USP25: variants seen among roughly 807,000 people sequenced by gnomAD.
The protein encoded by USP25 is ubiquitin specific peptidase 25.
Under a neutral mutation model 158.5 loss-of-function variants are expected in USP25, and 85 were observed. The observed-to-expected ratio is 0.54, with a 90% CI of 0.45 to 0.64. The LOEUF is 0.64. Ranked by LOEUF, USP25 falls within the 30% of genes least tolerant of loss-of-function variation. The pLI, the probability that USP25 is intolerant of heterozygous loss-of-function variation, is 0.00. For synonymous variants in USP25, 464 were observed against 460.4 expected, an observed-to-expected ratio of 1.01 and a Z score of -0.10; for missense variants, 1,242 against 1,327.3, an observed-to-expected ratio of 0.94 and a Z score of 1.00.
chr21:15,853,890 G>A (rs2039010528), intron 20 of USP25, among the ~76,000 whole-genome samples: 1 of 152,024 alleles, frequency 6.6e-6, no homozygotes, highest in Non-Finnish European at 1.5e-5. Context: ...CCTTCTTGCG[G>A]GGTAGATCTT....
chr21:15,841,833 C>T (rs2038348182), intron 17 of USP25, among the ~76,000 whole-genome samples: 1 of 151,992 alleles, frequency 6.6e-6, no homozygotes, highest in Non-Finnish European at 1.5e-5. Context: ...GTTCATTGTA[C>T]ATTGTTGGAT....
intron 10 of USP25, among the ~76,000 whole-genome samples, chr21:15,819,908 G>A (rs1337741625): frequency 1.3e-5 from 2 of 151,902 alleles, no homozygotes; most frequent in Admixed American, 6.6e-5. Flanking sequence ...CTGTTAAGAG[G>A]AAGAGATGTA....
intron 1 of USP25, among the ~76,000 whole-genome samples, chr21:15,738,907 A>G (rs748401512): frequency 2.0e-5 from 3 of 152,094 alleles, no homozygotes; most frequent in Non-Finnish European, 2.9e-5. Flanking sequence ...AGATCTAATT[A>G]CCGGTGCATG....
chr21:15,860,191 T>A (rs1475125730), intron 20 of USP25, among the ~76,000 whole-genome samples: 1 of 151,982 alleles, frequency 6.6e-6, no homozygotes, highest in African/African-American at 2.4e-5. Flanking sequence ...CTCACACTGT[T>A]TCCCAGGCTG....
intron 16 of USP25, among the ~76,000 whole-genome samples, chr21:15,833,092 A>T (rs2146398584): frequency 6.8e-6 from 1 of 147,284 alleles, no homozygotes. Context: ...CTCTTAAGAT[A>T]AAAAAAAATC....
chr21:15,782,969 TTTGAG>T (rs1275115848), intron 4 of USP25, among the ~76,000 whole-genome samples: 1 of 152,138 alleles, frequency 6.6e-6, no homozygotes, highest in African/African-American at 2.4e-5. Flanking sequence ...TAAAGAAACT[TTTGAG>T]TTGTAAGAGA....
chr21:15,766,757 A>G lies in USP25; in HGVS notation c.268+616A>G, dbSNP rs1309299026. Among the ~76,000 whole-genome samples the G allele has an allele frequency of 6.6e-6, 1 of 152,102 alleles. No individual in the cohort carries two copies. Among genetic ancestry groups the G allele is most frequent in the Non-Finnish European group, 1.5e-5 (1 of 67,962 alleles). Reference sequence around the variant, plus strand: ...ACTTATGTAGCGCACAGTTTTTCAAACTATGTTCAGTTACCTTCATATCTC... The same window carrying G: ...ACTTATGTAGCGCACAGTTTTTCAAGCTATGTTCAGTTACCTTCATATCTC... On this transcript the variant is annotated intron_variant, in intron 3 of 25. Transcript: ENST00000400183. This position sits in a 1 kb window ranked among gnomAD's most constrained non-coding sequence, Gnocchi z 4.0.
At position 15,737,087 on chromosome 21, in the gene USP25, C is replaced by CT. The variant is rs1268852228; in HGVS notation, c.45+6653dup. ...TGTTCTCAGGAATTTTTCTTCCACT[C>CT]TTTTCCTCATCTTCATTTAAAACTA... On this transcript the variant is annotated intron_variant, in intron 1 of 25. Transcript: ENST00000400183. 9.9e-5 allele frequency among the ~76,000 whole-genome samples: 15 copies of CT among 152,144 alleles called. No individual in the cohort carries two copies. In the East Asian group the frequency reaches 2.9e-3, roughly 29 times the overall value.
intron 5 of USP25, among the ~76,000 whole-genome samples, chr21:15,797,812 A>G (rs1334915367): frequency 1.3e-5 from 2 of 151,206 alleles, no homozygotes; most frequent in East Asian, 3.9e-4. Flanking sequence ...GTGGCTGAAA[A>G]TATTACAGTA....
Position 15,878,397 on chromosome 21 carries a change from A to G in USP25, c.3300A>G (p.Ser1100=), listed in dbSNP as rs747871062. Reference sequence around the variant, plus strand: ...TCCATGAGCCACCGAAGTTACCTTCATATTCCACGCATGAACTCTGTGAGC... The same window carrying G: ...TCCATGAGCCACCGAAGTTACCTTCGTATTCCACGCATGAACTCTGTGAGC... ...KSFHEPPKLP[S]YSTHELCERF... Residue 1100 remains serine (S), a synonymous_variant, in exon 26 of 26, where the codon TCA becomes TCG. Transcript: ENST00000400183. The G allele has an allele frequency of 8.1e-6, 13 of 1,614,010 alleles. No individual in the cohort carries two copies. Among genetic ancestry groups the G allele is most frequent in the African/African-American group, 1.3e-5 (1 of 74,934 alleles).
intron 1 of USP25, among the ~76,000 whole-genome samples, chr21:15,750,216 T>TATG (rs1568757063): frequency 1.6e-3 from 14 of 8,612 alleles, no homozygotes; most frequent in Middle Eastern, 0.1. Context: ...GTGTGTATGT[T>TATG]TTTTTTTTTT....
At chr21:15,780,600 A>G (rs1480164254) in intron 4 of USP25, among the ~76,000 whole-genome samples, 2 of 152,350 alleles carry the variant, frequency 1.3e-5, no homozygotes, top group African/African-American at 4.8e-5. Context: ...TTCAAGAAGT[A>G]GTAGACTACA....
chr21:15,738,259 T>C (rs1239688958), intron 1 of USP25, among the ~76,000 whole-genome samples: 1 of 152,236 alleles, frequency 6.6e-6, no homozygotes, highest in East Asian at 1.9e-4. Context: ...TCTTTGCCTT[T>C]GTTCCTTTTT....
chr21:15,863,495 C>G (rs568438823), intron 20 of USP25, among the ~76,000 whole-genome samples: 124 of 152,228 alleles, frequency 8.1e-4, no homozygotes, highest in Non-Finnish European at 1.4e-3. Context: ...CATTTAAGAA[C>G]AATTTTCTTT....
intron 20 of USP25, among the ~76,000 whole-genome samples, chr21:15,857,408 C>G (rs929931373): frequency 6.6e-6 from 1 of 151,952 alleles, no homozygotes; most frequent in African/African-American, 2.4e-5. Context: ...ATCAAATTGC[C>G]TACATGTAGT....
intron 1 of USP25, among the ~76,000 whole-genome samples, chr21:15,757,454 A>G (rs2033452186): frequency 6.6e-6 from 1 of 152,226 alleles, no homozygotes; most frequent in Non-Finnish European, 1.5e-5. Context: ...ATAGTAAAAG[A>G]TAAAACAGCA....
At chr21:15,735,732 TTAGA>T (rs1014798969) in intron 1 of USP25, among the ~76,000 whole-genome samples, 13 of 152,268 alleles carry the variant, frequency 8.5e-5, no homozygotes, top group African/African-American at 2.6e-4. Context: ...ATTTGAAAAA[TTAGA>T]TAGCGTTCAA....
rs1420295541 is a variant in USP25, at chr21:15,875,592, A to G, written c.3009+1066A>G. The stretch of plus-strand genomic sequence containing the variant: ...GAAATATGCACAATGATATGCCTGA[A>G]ATATTTGGGAAGAACCTTAAGAGAC... On this transcript the variant is annotated intron_variant, in intron 24 of 25. Transcript: ENST00000400183. The surrounding 1 kb of genome is among the most constrained non-coding windows in gnomAD (Gnocchi z 4.7). 4.6e-5 allele frequency among the ~76,000 whole-genome samples: 7 copies of G among 152,210 alleles called. No individual in the cohort carries two copies. The East Asian group carries it at 9.6e-4, about 21-fold the overall frequency.
chr21:15,793,495 A>G (rs1209105466), intron 5 of USP25, among the ~76,000 whole-genome samples: 3 of 143,332 alleles, frequency 2.1e-5, no homozygotes, highest in Non-Finnish European at 4.4e-5. Context: ...GAAAAAAATT[A>G]TCTTTTAAAA....
Sources: gnomAD v4.1 joint callset for allele counts (sites outside exome capture counted in the v4.1 genomes callset) on GRCh38, gnomAD v4.1.1 for gene constraint, Gnocchi (gnomAD v3.1) non-coding constraint, MANE v1.5 for transcripts, NCBI Gene and HGNC (gene_info 2026-07-23, HGNC 2026-07-21) for gene names.